Variants in GRHL2 observed in about 807,000 individuals in gnomAD.
The protein encoded by GRHL2 is grainyhead like transcription factor 2.
Under a neutral mutation model 83.8 loss-of-function variants are expected in GRHL2, and 21 were observed. The ratio of observed to expected loss-of-function variants is 0.25; its 90% CI spans 0.18 to 0.36. The LOEUF (loss-of-function observed/expected upper bound fraction) is 0.36, where lower values mean the gene tolerates loss of function less well. Among genes scored for constraint, GRHL2 ranks in the 10% least tolerant of loss-of-function variants. GRHL2 has a pLI of 1.00. For synonymous variants in GRHL2, 280 were observed against 278.9 expected (o/e 1.00, Z -0.04); for missense variants, 623 against 781.8 (o/e 0.80, Z 2.42).
intron 8 of GRHL2, among the ~76,000 whole-genome samples, chr8:101,619,246 C>G (rs1812915926): frequency 6.6e-6 from 1 of 151,928 alleles, no homozygotes; most frequent in African/African-American, 2.4e-5. Context: ...GAGTGAGGCT[C>G]TGTCTCAAAA....
chr8:101,588,923 G>A lies in GRHL2; in HGVS notation c.1004-10134G>A, dbSNP rs1237789390. Among the ~76,000 whole-genome samples, 4 of 152,048 alleles carry A rather than the reference G, an allele frequency of 2.6e-5. No homozygotes were observed. The South Asian group carries it at 6.2e-4, about 24-fold the overall frequency. On this transcript the variant is annotated intron_variant, in intron 7 of 15. Coordinates refer to ENST00000646743, the MANE Select transcript of GRHL2 (RefSeq NM_024915.4). The stretch of plus-strand genomic sequence containing the variant: ...CAGTTTCCTTTTATAAATTATAGTC[G>A]GTTTAACCAAGTGTTATAGTTTCTG...
chr8:101,664,559 T>C (rs747850200), intron 15 of GRHL2, 41 bp downstream of exon 15: 1 of 1,378,104 alleles, frequency 7.3e-7, no homozygotes, highest in South Asian at 1.2e-5. Flanking sequence ...TCAAATCAGA[T>C]AAATCCACAT....
At chr8:101,599,966 C>T (rs1438515607) in intron 8 of GRHL2, among the ~76,000 whole-genome samples, 1 of 152,094 alleles carries the variant, frequency 6.6e-6, no homozygotes, top group Non-Finnish European at 1.5e-5. Context: ...TTGTTTTTTG[C>T]TTTGGTTCTG....
chr8:101,542,505 A>G (rs1811174108), intron 1 of GRHL2, among the ~76,000 whole-genome samples: 1 of 151,680 alleles, frequency 6.6e-6, no homozygotes, highest in Non-Finnish European at 1.5e-5. Flanking sequence ...GTGAGCCGAG[A>G]TTGCACCATT....
At chr8:101,520,903 A>G (rs1810669134) in intron 1 of GRHL2, among the ~76,000 whole-genome samples, 1 of 152,020 alleles carries the variant, frequency 6.6e-6, no homozygotes, top group Non-Finnish European at 1.5e-5. Context: ...TCCTTGAGAA[A>G]TTCCTCCTCC....
chr8:101,550,971 G>A (rs1811369034), intron 2 of GRHL2, among the ~76,000 whole-genome samples: 1 of 152,154 alleles, frequency 6.6e-6, no homozygotes, highest in Non-Finnish European at 1.5e-5. Flanking sequence ...GTATTCCGTT[G>A]TATGGCCATG....
At chr8:101,666,053 G>A (rs934650077) in intron 15 of GRHL2, among the ~76,000 whole-genome samples, 33 of 152,284 alleles carry the variant, frequency 2.2e-4, no homozygotes, top group African/African-American at 7.9e-4. Flanking sequence ...ACCTTGTTGA[G>A]GTCAGTTTTC....
intron 1 of GRHL2, among the ~76,000 whole-genome samples, chr8:101,499,072 CAA>C (rs397965242): frequency 1.6e-4 from 15 of 91,250 alleles, no homozygotes; most frequent in Middle Eastern, 7.9e-3. Flanking sequence ...GACTCCGTCT[CAA>C]AAAAAAAAAA....
At chr8:101,627,993 T>A (rs1047342801) in intron 9 of GRHL2, among the ~76,000 whole-genome samples, 2 of 152,040 alleles carry the variant, frequency 1.3e-5, no homozygotes, top group Admixed American at 6.6e-5. Flanking sequence ...AAAGAAACCA[T>A]CTCCATAACA....
intron 1 of GRHL2, among the ~76,000 whole-genome samples, chr8:101,523,257 T>A (rs1459944384): frequency 6.6e-6 from 1 of 151,754 alleles, no homozygotes; most frequent in Non-Finnish European, 1.5e-5. Context: ...TTTTTTTTTT[T>A]CCATACAGGT....
rs529774742 is a variant in GRHL2 at position 101,627,861 on chromosome 8, A to T, written c.1258-3776A>T. On this transcript the variant is annotated intron_variant, in intron 9 of 15. Transcript: ENST00000646743. The stretch of plus-strand genomic sequence containing the variant: ...ATTAAACCAGCCACAACATTCCCTT[A>T]GGCCAAAGCCTAATCCAGAGCAAGG... Among the ~76,000 whole-genome samples, 316 of 152,332 alleles carry T rather than the reference A, an allele frequency of 2.1e-3. 1 individual carries two copies. The highest frequency in any genetic ancestry group is 7.3e-3 in the African/African-American group (302 of 41,590).
chr8:101,511,374 C>T (rs2130008558), intron 1 of GRHL2, among the ~76,000 whole-genome samples: 1 of 152,292 alleles, frequency 6.6e-6, no homozygotes, highest in East Asian at 1.9e-4. Context: ...GTCAAATATG[C>T]TTATTGCTGC....
chr8:101,586,181 G>A (rs1307551934), intron 7 of GRHL2, among the ~76,000 whole-genome samples: 2 of 148,762 alleles, frequency 1.3e-5, no homozygotes, highest in Admixed American at 1.4e-4. Flanking sequence ...CCGGGTTCAC[G>A]CCATTCTCCT....
At chr8:101,510,071 G>T (rs139457122) in intron 1 of GRHL2, among the ~76,000 whole-genome samples, 86 of 152,228 alleles carry the variant, frequency 5.6e-4, no homozygotes, top group African/African-American at 2.0e-3. Flanking sequence ...GCTCACTGCA[G>T]CCTTGACCTC....
downstream of GRHL2, among the ~76,000 whole-genome samples, chr8:101,674,352 G>T (rs999488689): frequency 1.3e-5 from 2 of 152,158 alleles, no homozygotes; most frequent in Admixed American, 6.6e-5. Flanking sequence ...TCAAAAAGAT[G>T]TAATAAAAAA....
intron 8 of GRHL2, among the ~76,000 whole-genome samples, chr8:101,603,355 A>G (rs7462010): frequency 0.51 from 77,409 of 152,012 alleles, 21,614 homozygotes; most frequent in African/African-American, 0.74. Flanking sequence ...AAAACAAAAA[A>G]CCAATCCGGT....
intron 15 of GRHL2, 40 bp from the exon 16 acceptor site, chr8:101,666,549 G>C: frequency 8.4e-7 from 1 of 1,196,928 alleles, no homozygotes; most frequent in Non-Finnish European, 1.2e-6. Context: ...CATTGTTCAC[G>C]GCGTCTTTGT....
chr8:101,599,219 T>G (rs1812460928), intron 8 of GRHL2, 68 bp downstream of exon 8: 2 of 1,044,906 alleles, frequency 1.9e-6, no homozygotes, highest in Admixed American at 3.6e-5. Context: ...TATTCTTTTT[T>G]AAAAGCCTGT....
intron 8 of GRHL2, among the ~76,000 whole-genome samples, chr8:101,605,988 G>A (rs1450312941): frequency 6.6e-6 from 1 of 151,868 alleles, no homozygotes; most frequent in East Asian, 1.9e-4. Flanking sequence ...TATTTTTTCT[G>A]TTATGAATAG....
Sources: gnomAD v4.1 joint callset for allele counts (sites outside exome capture counted in the v4.1 genomes callset) on GRCh38, gnomAD v4.1.1 for gene constraint, MANE v1.5 for transcripts, NCBI Gene and HGNC (gene_info 2026-07-23, HGNC 2026-07-21) for gene names.